TAF7L: variants seen among roughly 807,000 people sequenced by gnomAD.
The protein encoded by TAF7L is TATA-box binding protein associated factor 7 like.
A neutral mutation model predicts 30.2 loss-of-function variants in TAF7L; 6 were observed. The ratio of observed to expected loss-of-function variants is 0.20; its 90% CI spans 0.11 to 0.39. The LOEUF is 0.39. Among genes scored for constraint, TAF7L ranks in the 10% least tolerant of loss-of-function variants. The probability of loss-of-function intolerance (pLI) is 1.00; values close to 1 mark genes in which losing one functional copy is unlikely to be tolerated. For missense variants in TAF7L, 284 were observed against 277.1 expected, an observed-to-expected ratio of 1.03 and a Z score of -0.18; for synonymous variants, 93 against 94.5, an observed-to-expected ratio of 0.98 and a Z score of 0.09.
intron 11 of TAF7L, 66 bp from the exon 12 acceptor site, chrX:101,275,347 G>C: frequency 1.3e-6 from 1 of 795,152 alleles, no homozygotes; most frequent in Non-Finnish European, 1.8e-6. Context: ...ACCAAGGGAG[G>C]CAAGGAGTTT....
chrX:101,286,416 A>C (rs2147382670), intron 3 of TAF7L, among the ~76,000 whole-genome samples, 159 bp downstream of exon 3: 1 of 111,136 alleles, frequency 9.0e-6, no homozygotes, highest in Non-Finnish European at 1.9e-5. Flanking sequence ...TTCCTCTTAA[A>C]AGAAGAGGAC....
upstream of TAF7L, among the ~76,000 whole-genome samples, chrX:101,292,111 C>T (rs1401043206): frequency 9.7e-5 from 10 of 102,863 alleles, no homozygotes; most frequent in South Asian, 4.5e-4. Context: ...TAGTGGCGGG[C>T]GCCTGTAGTC....
At chrX:101,273,404 A>G (rs752432506) in intron 12 of TAF7L, among the ~76,000 whole-genome samples, 29 of 111,174 alleles carry the variant, frequency 2.6e-4, no homozygotes, top group African/African-American at 8.8e-4. Flanking sequence ...CCTCGCTAAC[A>G]CGGTGAAACC....
chrX:101,276,673 T>G, intron 9 of TAF7L, 145 bp from the exon 10 acceptor site: 5 of 629,270 alleles, frequency 7.9e-6, no homozygotes, highest in Non-Finnish European at 1.2e-5. Flanking sequence ...ATTATTCCCT[T>G]TATAAAACAA....
In TAF7L at chrX:101,268,340, A is replaced by T. The variant is rs1203514691; in HGVS notation, c.*853T>A. ...ATACCTAGAAAAAAACCCAAACAAG[A>T]TTGTTAAAGAAGTCTTCATAGGCAT... On this transcript the variant is annotated 3_prime_UTR_variant, in exon 13 of 13. Coordinates refer to ENST00000356784, the MANE Select transcript of TAF7L (RefSeq NM_001168474.2). The T allele has an allele frequency of 8.9e-6, 1 of 112,196 alleles. No individual in the cohort carries two copies. The highest frequency in any genetic ancestry group is 1.9e-5 in the Non-Finnish European group (1 of 53,279). 9.2% of individuals were successfully genotyped at this position (112,196 alleles called of 1,213,427 possible). A position where few individuals can be genotyped will look rare whatever the true frequency, so the allele number is the denominator to read the frequency against.
At chrX:101,277,184 C>T (rs1488260003) in intron 9 of TAF7L, among the ~76,000 whole-genome samples, 1 of 84,856 alleles carries the variant, frequency 1.2e-5, no homozygotes, top group Non-Finnish European at 2.2e-5. Context: ...AAAGGCCAGG[C>T]ACAGTGGCTC....
intron 3 of TAF7L, 51 bp downstream of exon 3, chrX:101,286,524 C>A (rs754429884): frequency 1.1e-6 from 1 of 925,731 alleles, no homozygotes; most frequent in Admixed American, 2.3e-5. Flanking sequence ...ACATAGCAAT[C>A]CCTTAATAAA....
intron 3 of TAF7L, among the ~76,000 whole-genome samples, chrX:101,284,752 C>T (rs1320303402): frequency 1.8e-5 from 2 of 108,988 alleles, no homozygotes; most frequent in African/African-American, 6.7e-5. Flanking sequence ...AGATTATGAG[C>T]CACTTTTTGT....
Position 101,287,496 on chromosome X carries a change from A to T in TAF7L, c.48T>A (p.Phe16Leu). 3.3e-6 allele frequency: 4 copies of T among 1,206,972 alleles called. No homozygotes were observed. The highest frequency in any genetic ancestry group is 3.4e-6 in the Non-Finnish European group (3 of 891,865). Residue 16 changes from phenylalanine (F) to leucine (L), a missense_variant, in exon 2 of 13, where the codon TTT (phenylalanine) becomes TTA (leucine). Coordinates refer to ENST00000356784, the MANE Select transcript of TAF7L (RefSeq NM_001168474.2). ...TTCTTACCAGAGGCAGACGCAATATAAACTGGTTCTCAACTTCATCAGGAA... is the reference window on the plus strand; with the variant it reads ...TTCTTACCAGAGGCAGACGCAATATTAACTGGTTCTCAACTTCATCAGGAA... ...DEVPDEVENQ[F>L]ILRLPLEHAC... is the part of the protein sequence containing the mutation.
intron 9 of TAF7L, among the ~76,000 whole-genome samples, 155 bp downstream of exon 9, chrX:101,277,451 C>CAAAAAAAA (rs368056727): frequency 0.16 from 6,391 of 40,143 alleles, 578 homozygotes; most frequent in African/African-American, 0.21. Context: ...GACTCCATCT[C>CAAAAAAAA]AAAAAAAAAA....
At chrX:101,284,718 T>C (rs1252699125) in intron 3 of TAF7L, among the ~76,000 whole-genome samples, 1 of 111,649 alleles carries the variant, frequency 9.0e-6, no homozygotes, top group Admixed American at 9.5e-5. Context: ...TTAAAAAATG[T>C]CAGTAAGTGT....
upstream of TAF7L, chrX:101,291,335 G>C: frequency 4.0e-6 from 3 of 749,012 alleles, no homozygotes; most frequent in Non-Finnish European, 3.2e-6. Flanking sequence ...AGAGGCGAAC[G>C]CTGGGCTGCC....
chrX:101,286,192 A>AAAGAAAGAAAGAAAGAAAGAAAGAAAG (rs1555969588), intron 3 of TAF7L, among the ~76,000 whole-genome samples: 1 of 106,254 alleles, frequency 9.4e-6, no homozygotes, highest in Non-Finnish European at 1.9e-5. Context: ...AAAAAAAAAA[A>AAAGAAAGAAAGAAAGAAAGAAAGAAAG]AAAGAAAGAA....
In TAF7L at chrX:101,269,187, C is replaced by T. The variant is rs1289224581; in HGVS notation, c.*6G>A. Reference sequence around the variant, plus strand: ...CAAGGTTTGTGGGCCACGCCAATGGCTCTCCTCACTTCTTCAGAAAACGCT... The same window carrying T: ...CAAGGTTTGTGGGCCACGCCAATGGTTCTCCTCACTTCTTCAGAAAACGCT... On this transcript the variant is annotated 3_prime_UTR_variant, in exon 13 of 13. Coordinates refer to ENST00000356784, the MANE Select transcript of TAF7L (RefSeq NM_001168474.2). The T allele has an allele frequency of 1.7e-6, 2 of 1,208,010 alleles. No homozygotes were observed. Among genetic ancestry groups the T allele is most frequent in the South Asian group, 3.6e-5 (2 of 56,183 alleles).
intron 12 of TAF7L, among the ~76,000 whole-genome samples, chrX:101,272,317 T>A (rs1198752980): frequency 8.9e-6 from 1 of 112,090 alleles, no homozygotes; most frequent in African/African-American, 3.2e-5. Context: ...CTTTAAAGTA[T>A]ATTCTCTAAT....
intron 3 of TAF7L, among the ~76,000 whole-genome samples, chrX:101,285,644 A>C (rs1364004668): frequency 9.7e-6 from 1 of 103,244 alleles, no homozygotes; most frequent in African/African-American, 3.6e-5. Context: ...GTATGAGGTG[A>C]TATCTCGCTG....
intron 3 of TAF7L, among the ~76,000 whole-genome samples, chrX:101,285,308 C>T (rs1413414190): frequency 9.1e-6 from 1 of 109,689 alleles, no homozygotes; most frequent in East Asian, 2.8e-4. Flanking sequence ...CCAGCCTGGT[C>T]AACATGGTGA....
At chrX:101,292,694 G>A, upstream of TAF7L, 2 of 1,053,408 alleles carry the variant, frequency 1.9e-6, no homozygotes, top group South Asian at 2.2e-5. Context: ...CCTCAAGGGG[G>A]CCGCAATTCA....
upstream of TAF7L, chrX:101,291,384 C>T (rs1283653425): frequency 1.1e-5 from 6 of 564,525 alleles, no homozygotes; most frequent in Non-Finnish European, 1.3e-5. Context: ...CCGGCCCCTC[C>T]CCGCCTCGCC....
Sources: allele counts gnomAD v4.1 joint callset (sites outside exome capture counted in the v4.1 genomes callset), GRCh38; gene constraint gnomAD v4.1.1; transcripts MANE v1.5; gene names NCBI Gene and HGNC (gene_info 2026-07-23, HGNC 2026-07-21).